Variants in ZFYVE26 observed in about 807,000 individuals in gnomAD.
ZFYVE26 encodes the protein zinc finger FYVE domain-containing protein 26.
A neutral mutation model predicts 276.5 loss-of-function variants in ZFYVE26; 181 were observed. That is an observed-to-expected ratio of 0.65 (90% CI 0.58 to 0.74). The LOEUF (loss-of-function observed/expected upper bound fraction) is 0.74. Among genes scored for constraint, ZFYVE26 ranks in the 30% least tolerant of loss-of-function variants. The pLI, the probability that ZFYVE26 is intolerant of heterozygous loss-of-function variation, is 0.00. For missense variants in ZFYVE26, 2,821 were observed against 3,097.9 expected (o/e 0.91, Z 2.12); for synonymous variants, 1,129 against 1,203.1 (o/e 0.94, Z 1.27).
At chr14:67,810,064 G>A (rs1442051406) in intron 3 of ZFYVE26, among the ~76,000 whole-genome samples, 8 of 152,144 alleles carry the variant, frequency 5.3e-5, no homozygotes, top group South Asian at 2.1e-4. Context: ...GATTACAGGC[G>A]TGAGCCACCG....
At chr14:67,735,712 C>T (rs2038344833) in intron 13 of ZFYVE26, among the ~76,000 whole-genome samples, 1 of 152,224 alleles carries the variant, frequency 6.6e-6, no homozygotes. Flanking sequence ...TTCACTATTC[C>T]TGGCTTCTCT....
intron 23 of ZFYVE26, 29 bp from the exon 24 acceptor site, chr14:67,778,277 C>T (rs1019656105): frequency 3.1e-6 from 5 of 1,613,814 alleles, no homozygotes; most frequent in Non-Finnish European, 4.2e-6. Flanking sequence ...GCCTTCAACC[C>T]CTTTACATGA....
At chr14:67,778,463 C>T (rs1279261770) in intron 23 of ZFYVE26, 5 of 575,004 alleles carry the variant, frequency 8.7e-6, no homozygotes, top group Admixed American at 2.8e-5. Context: ...CACTTGGTGT[C>T]AACCCTGGGA....
chr14:67,813,163 C>T (rs1004796945), intron 3 of ZFYVE26, among the ~76,000 whole-genome samples: 8 of 152,120 alleles, frequency 5.3e-5, no homozygotes, highest in Admixed American at 1.3e-4. Context: ...GGCGAAATTA[C>T]AGACATTTTA....
rs148024475 is a variant in ZFYVE26 at position 67,780,111 on chromosome 14, G to A, written c.4674+130C>T. 3.7e-4 allele frequency: 335 copies of A among 898,228 alleles called. No homozygotes were observed. The African/African-American group carries it at 4.8e-3, about 13-fold the overall frequency. 55.6% of individuals were successfully genotyped at this position (898,228 alleles called of 1,614,324 possible). The stretch of plus-strand genomic sequence containing the variant: ...CCTGACCTTGTGAGCCGCCCGCCTC[G>A]GCCAGAATGTGGTATAGTTATTTTT... On this transcript the variant is annotated intron_variant, in intron 23 of 41. Coordinates refer to ENST00000347230, the MANE Select transcript of ZFYVE26 (RefSeq NM_015346.4).
chr14:67,756,438 TC>T, intron 35 of ZFYVE26: 1 of 461,468 alleles, frequency 2.2e-6, no homozygotes, highest in Non-Finnish European at 4.0e-6. Context: ...CACCCATAAT[TC>T]CCATTGAAAC....
At position 67,802,059 on chromosome 14, in the gene ZFYVE26, G is replaced by A; in HGVS notation, c.1639+20C>T. The A allele has an allele frequency of 6.2e-7, 1 of 1,611,986 alleles. No homozygotes were observed. Among genetic ancestry groups the A allele is most frequent in the Non-Finnish European group, 8.5e-7 (1 of 1,179,598 alleles). ...TGTGTTGTTATCAGCTTATCTCACG[G>A]ATGGAGGGAAGTGCTGTACCTGGGG... On this transcript the variant is annotated intron_variant, in intron 10 of 41. Coordinates refer to ENST00000347230, the MANE Select transcript of ZFYVE26 (RefSeq NM_015346.4).
chr14:67,756,015 G>A lies in ZFYVE26; in HGVS notation c.6719C>T (p.Ala2240Val). ...CTTCTTCTGTAAATGTTGGCAGGCA[G>A]CAATCAAGTACTTTCCCCAGCTCTC... ...TLESWGKYLI[A>V]ACQHLQKKNY... The change falls in exon 36 of 42, where the codon GCT (alanine) becomes GTT (valine). Residue 2240 changes from alanine (A) to valine (V), a missense_variant. Transcript: ENST00000347230. The A allele has an allele frequency of 1.9e-6, 3 of 1,614,250 alleles. No individual in the cohort carries two copies. The highest frequency in any genetic ancestry group is 2.5e-6 in the Non-Finnish European group (3 of 1,180,048).
At chr14:67,765,502 T>C (rs1387215278) in intron 32 of ZFYVE26, among the ~76,000 whole-genome samples, 2 of 152,172 alleles carry the variant, frequency 1.3e-5, no homozygotes, top group Non-Finnish European at 2.9e-5. Context: ...CAAGCAAATG[T>C]CTGAGGGAGG....
chr14:67,786,259 AT>A, intron 16 of ZFYVE26, 26 bp from the exon 17 acceptor site: 1 of 1,587,712 alleles, frequency 6.3e-7, no homozygotes, highest in Non-Finnish European at 8.5e-7. Context: ...GGAAGAGGGA[AT>A]GCAAAAAAAA....
rs1337349193 is a variant in ZFYVE26 at position 67,784,352 on chromosome 14, C to G, written c.3608G>C (p.Arg1203Thr). 1 of 1,613,992 alleles carries G rather than the reference C, an allele frequency of 6.2e-7. No homozygotes were observed. Among genetic ancestry groups the G allele is most frequent in the Non-Finnish European group, 8.5e-7 (1 of 1,180,010 alleles). Residue 1203 changes from arginine to threonine, a missense_variant, in exon 20 of 42, where the codon AGA becomes ACA. Transcript: ENST00000347230. ...SQLVSHLLFE[R>T]QVPPERLAAL... ...CTCCTACCTCTCTGGGGGAACTTGTCTCTCAAACAGGAGATGTGACACCAG... is the reference window on the plus strand; with the variant it reads ...CTCCTACCTCTCTGGGGGAACTTGTGTCTCAAACAGGAGATGTGACACCAG...
chr14:67,816,354 A>T (rs2040410234), intron 1 of ZFYVE26, among the ~76,000 whole-genome samples, 180 bp downstream of exon 1: 1 of 152,146 alleles, frequency 6.6e-6, no homozygotes, highest in South Asian at 2.1e-4. Flanking sequence ...TCGCCTCCTC[A>T]AGAATGAGAA....
intron 17 of ZFYVE26, 35 bp from the exon 18 acceptor site, chr14:67,786,057 C>A (rs773281389): frequency 4.3e-6 from 7 of 1,614,130 alleles, no homozygotes; most frequent in Non-Finnish European, 5.9e-6. Context: ...AAAGTAAAGT[C>A]TGTTGCTGAC....
rs762516041 is a variant in ZFYVE26 at position 67,781,397 on chromosome 14, G to A, written c.4505C>T (p.Ala1502Val). Residue 1502 changes from alanine to valine, a missense_variant, in exon 22 of 42, where the codon GCT (alanine) becomes GTT (valine). Transcript: ENST00000347230. ...CTCACACTTTAGTCCTTCTTGGACA[G>A]CCGTGTCTGAAATGCAGTAGGCCAG... Reference protein sequence around the residue: ...EILAYCISDTAVQEGLKCELQ... With the variant: ...EILAYCISDTVVQEGLKCELQ... 1 of 1,614,216 alleles carries A rather than the reference G, an allele frequency of 6.2e-7. No individual in the cohort carries two copies. The highest frequency in any genetic ancestry group is 8.5e-7 in the Non-Finnish European group (1 of 1,180,038).
chr14:67,808,036 T>TA, intron 4 of ZFYVE26, 116 bp from the exon 5 acceptor site: 1 of 1,241,978 alleles, frequency 8.1e-7, no homozygotes, highest in African/African-American at 1.5e-5. Flanking sequence ...CGGTAACAAA[T>TA]ACTTATGTCG....
In ZFYVE26 at chr14:67,767,781, C is replaced by T; in HGVS notation, c.5713G>A (p.Ala1905Thr). The change falls in exon 31 of 42, where the codon GCA becomes ACA. Residue 1905 changes from alanine (A) to threonine (T), a missense_variant. By Grantham distance (58) the Ala-to-Thr change is moderately conservative. Transcript: ENST00000347230. Reference sequence around the variant, plus strand: ...TCCAAAATCCATTCCACCTCATCTGCTTTGGGGACTCTCACCACAAACGAG... The same window carrying T: ...TCCAAAATCCATTCCACCTCATCTGTTTTGGGGACTCTCACCACAAACGAG... ...PYSFVVRVPKADEVEWILDLK... is the reference protein window; with the variant it reads ...PYSFVVRVPKTDEVEWILDLK... The T allele has an allele frequency of 6.2e-7, 1 of 1,614,200 alleles. No individual in the cohort carries two copies. The highest frequency in any genetic ancestry group is 8.5e-7 in the Non-Finnish European group (1 of 1,180,052).
At position 67,793,605 on chromosome 14, in the gene ZFYVE26, C is replaced by T. The variant is rs747089259; in HGVS notation, c.2553+3G>A. On this transcript the variant is annotated splice_donor_region_variant and intron_variant, in intron 14 of 41. Transcript: ENST00000347230. The stretch of plus-strand genomic sequence containing the variant: ...GGGCTGAAAAGGTATGGCCTCCCCT[C>T]ACCTGATGGGCTTCTGCGAAGTTCC... 3.7e-6 allele frequency: 6 copies of T among 1,613,366 alleles called. No homozygotes were observed. Among genetic ancestry groups the T allele is most frequent in the Non-Finnish European group, 5.1e-6 (6 of 1,179,664 alleles).
intron 3 of ZFYVE26, among the ~76,000 whole-genome samples, chr14:67,809,787 T>A (rs1387418140): frequency 3.6e-5 from 1 of 27,842 alleles, no homozygotes; most frequent in Non-Finnish European, 9.7e-5. Context: ...TTTCTCTTTT[T>A]TTTTTTTTTT....
chr14:67,761,271 A>T, intron 35 of ZFYVE26, 95 bp downstream of exon 35: 3 of 1,139,100 alleles, frequency 2.6e-6, no homozygotes, highest in Non-Finnish European at 3.9e-6. Context: ...ACACAGGGTT[A>T]AGTGTCAGGG....
Sources: gnomAD v4.1 joint callset for allele counts (sites outside exome capture counted in the v4.1 genomes callset) on GRCh38, gnomAD v4.1.1 for gene constraint, MANE v1.5 for transcripts, NCBI Gene and HGNC (gene_info 2026-07-23, HGNC 2026-07-21) for gene names.